SLIT2: variants seen among roughly 807,000 people sequenced by gnomAD.
SLIT2 encodes slit guidance ligand 2, also known as slit homolog 2 protein.
A neutral mutation model predicts 185.7 loss-of-function variants in SLIT2; 41 were observed. The ratio of observed to expected loss-of-function variants is 0.22; its 90% confidence interval spans 0.17 to 0.29. SLIT2 has a LOEUF of 0.29. Ranked by LOEUF, SLIT2 falls within the 10% of genes least tolerant of loss-of-function variation. The pLI, the probability that SLIT2 is intolerant of heterozygous loss-of-function variation, is 1.00. For synonymous variants in SLIT2, 693 were observed against 680.2 expected, an observed-to-expected ratio of 1.02 and a Z score of -0.29; for missense variants, 1,571 against 1,909.0, an observed-to-expected ratio of 0.82 and a Z score of 3.30.
intron 4 of SLIT2, among the ~76,000 whole-genome samples, chr4:20,422,430 C>A (rs894127634): frequency 1.8e-4 from 28 of 152,074 alleles, no homozygotes; most frequent in Non-Finnish European, 4.1e-4. Context: ...GTTTCATACA[C>A]AAGAATATTC....
chr4:20,489,668 T>C (rs1717597511), intron 8 of SLIT2, among the ~76,000 whole-genome samples: 1 of 152,046 alleles, frequency 6.6e-6, no homozygotes. Flanking sequence ...CCTGTAATTC[T>C]AGCTACTTGG....
chr4:20,343,738 C>T (rs1345085219), intron 4 of SLIT2, among the ~76,000 whole-genome samples: 1 of 149,140 alleles, frequency 6.7e-6, no homozygotes, highest in Non-Finnish European at 1.5e-5. Flanking sequence ...AACTCCTAGG[C>T]TCAAGCTACC....
At chr4:20,268,732 G>A in intron 3 of SLIT2, 78 bp from the exon 4 acceptor site, 1 of 881,836 alleles carries the variant, frequency 1.1e-6, no homozygotes. Flanking sequence ...ACAGGATGAG[G>A]CATGACACTA....
intron 36 of SLIT2, 95 bp downstream of exon 36, chr4:20,617,745 A>AC: frequency 7.1e-6 from 6 of 842,566 alleles, no homozygotes; most frequent in Non-Finnish European, 1.1e-5. Flanking sequence ...AAAAAAAAAA[A>AC]AAAACAGGAG....
At chr4:20,284,373 C>T (rs1342650768) in intron 4 of SLIT2, among the ~76,000 whole-genome samples, 1 of 152,160 alleles carries the variant, frequency 6.6e-6, no homozygotes, top group East Asian at 1.9e-4. Flanking sequence ...AAATCCCTTC[C>T]ATAGGTTATA....
chr4:20,441,189 A>C (rs958597015), intron 4 of SLIT2, among the ~76,000 whole-genome samples: 4 of 152,184 alleles, frequency 2.6e-5, no homozygotes, highest in African/African-American at 9.6e-5. Context: ...GCAAAAGGGA[A>C]CTGCTGGGTC....
intron 11 of SLIT2, among the ~76,000 whole-genome samples, chr4:20,517,499 C>G (rs980467126): frequency 1.4e-5 from 2 of 148,002 alleles, no homozygotes; most frequent in Non-Finnish European, 2.9e-5. Context: ...TTTTCTAATT[C>G]CCTTTCTACC....
chr4:20,283,506 AC>A (rs1406282070), intron 4 of SLIT2, among the ~76,000 whole-genome samples: 1 of 152,180 alleles, frequency 6.6e-6, no homozygotes, highest in South Asian at 2.1e-4. Flanking sequence ...AGGAAAAAAA[AC>A]AAATGGAAGA....
intron 9 of SLIT2, among the ~76,000 whole-genome samples, chr4:20,495,343 TA>T (rs1406435590): frequency 1.3e-5 from 2 of 152,092 alleles, no homozygotes; most frequent in Non-Finnish European, 2.9e-5. Context: ...GAGAGTTATA[TA>T]AGATACATGT....
At chr4:20,452,632 T>G (rs1227731158) in intron 4 of SLIT2, among the ~76,000 whole-genome samples, 2 of 152,198 alleles carry the variant, frequency 1.3e-5, no homozygotes, top group African/African-American at 4.8e-5. Context: ...TTTTGTTTCC[T>G]AGGATATGGC....
At position 20,253,764 on chromosome 4, in the gene SLIT2, G is replaced by T; in HGVS notation, c.-52G>T. ...GACACTGCGCGGTTCCCTCGGAGCA[G>T]CAAGCTAAAGAAAGCCCCCAGTGCC... On this transcript the variant is annotated 5_prime_UTR_variant, in exon 1 of 37. Coordinates refer to ENST00000504154, the MANE Select transcript of SLIT2 (RefSeq NM_004787.4). The T allele has an allele frequency of 1.3e-6, 2 of 1,584,122 alleles. No homozygotes were observed. Among genetic ancestry groups the T allele is most frequent in the South Asian group, 2.2e-5 (2 of 88,914 alleles).
chr4:20,544,828 GT>G (rs1560182689), intron 21 of SLIT2, among the ~76,000 whole-genome samples: 1 of 151,934 alleles, frequency 6.6e-6, no homozygotes, highest in Non-Finnish European at 1.5e-5. Context: ...CTTCTGCTGT[GT>G]TTTCTGGAAT....
chr4:20,300,851 T>A (rs1273732657), intron 4 of SLIT2, among the ~76,000 whole-genome samples: 2 of 152,142 alleles, frequency 1.3e-5, no homozygotes, highest in Non-Finnish European at 2.9e-5. Context: ...CGTTTGAGTA[T>A]GATTATGCTA....
At chr4:20,481,140 G>A (rs936064252) in intron 6 of SLIT2, among the ~76,000 whole-genome samples, 4 of 151,752 alleles carry the variant, frequency 2.6e-5, no homozygotes, top group African/African-American at 9.7e-5. Flanking sequence ...GGAATAATTT[G>A]TCGTTGTTAG....
chr4:20,485,932 T>C (rs1717191269), intron 6 of SLIT2, among the ~76,000 whole-genome samples: 1 of 152,188 alleles, frequency 6.6e-6, no homozygotes, highest in South Asian at 2.1e-4. Context: ...ATGCACAAGG[T>C]ACATAAAGTA....
intron 9 of SLIT2, among the ~76,000 whole-genome samples, chr4:20,494,638 G>T (rs190691132): frequency 2.5e-4 from 38 of 152,078 alleles, no homozygotes; most frequent in African/African-American, 7.7e-4. Flanking sequence ...AATTAGCCGG[G>T]CGTGGTCGTG....
chr4:20,372,985 A>T (rs968584122), intron 4 of SLIT2, among the ~76,000 whole-genome samples: 1 of 152,064 alleles, frequency 6.6e-6, no homozygotes. Flanking sequence ...CGAACATATT[A>T]TTTTCTCATT....
At chr4:20,472,276 C>CTATA (rs373745680) in intron 5 of SLIT2, among the ~76,000 whole-genome samples, 19 of 21,656 alleles carry the variant, frequency 8.8e-4, no homozygotes, top group Admixed American at 1.9e-3. Flanking sequence ...AGATATATAT[C>CTATA]TATATATATA....
chr4:20,291,492 A>ATT (rs1157453738), intron 4 of SLIT2, among the ~76,000 whole-genome samples: 18 of 18,258 alleles, frequency 9.9e-4, no homozygotes, highest in African/African-American at 1.6e-3. Context: ...ATATATATAT[A>ATT]TTTTTTTTTT....
Sources: gnomAD v4.1 joint callset for allele counts (sites outside exome capture counted in the v4.1 genomes callset) on GRCh38, gnomAD v4.1.1 for gene constraint, MANE v1.5 for transcripts, NCBI Gene and HGNC (gene_info 2026-07-23, HGNC 2026-07-21) for gene names.